ADGRV1: variants seen among roughly 807,000 people sequenced by gnomAD.
The protein encoded by ADGRV1 is adhesion G protein-coupled receptor V1, also known as G-protein coupled receptor 98.
A neutral mutation model predicts 596.2 loss-of-function variants in ADGRV1; 359 were observed. The ratio of observed to expected loss-of-function variants is 0.60; its 90% CI spans 0.55 to 0.66. The LOEUF (loss-of-function observed/expected upper bound fraction) is 0.66, where lower values mean the gene tolerates loss of function less well. Ranked by LOEUF, ADGRV1 falls within the 30% of genes least tolerant of loss-of-function variation. The pLI, the probability that ADGRV1 is intolerant of heterozygous loss-of-function variation, is 0.00. For synonymous variants in ADGRV1, 2,681 were observed against 2,679.2 expected (o/e 1.00, Z -0.02); for missense variants, 7,274 against 7,575.6 (o/e 0.96, Z 1.48).
chr5:90,916,725 C>T (rs1773403194), intron 83 of ADGRV1, among the ~76,000 whole-genome samples: 1 of 148,908 alleles, frequency 6.7e-6, no homozygotes, highest in African/African-American at 2.5e-5. Context: ...CTCCGCCTCC[C>T]GGGTTCACGC....
chr5:91,069,652 C>A (rs1788197856), intron 85 of ADGRV1, among the ~76,000 whole-genome samples: 1 of 152,148 alleles, frequency 6.6e-6, no homozygotes, highest in Admixed American at 6.6e-5. Context: ...TGCATGTGCA[C>A]TATTGGTGTG....
At chr5:90,660,338 G>T (rs994811120) in intron 21 of ADGRV1, among the ~76,000 whole-genome samples, 2 of 152,086 alleles carry the variant, frequency 1.3e-5, no homozygotes, top group South Asian at 2.1e-4. Context: ...ACTCTCTGGG[G>T]TTCTCAATAG....
In ADGRV1 at chr5:90,644,762, G is replaced by A. The variant is rs528740341; in HGVS notation, c.2791G>A (p.Val931Met). ...CTTTGGTGATGTTAGTGTATCATGG[G>A]TGGTTAGTCCAGACTTTACACAAGA... ...GNFGDVSVSWVVSPDFTQDVF... is the reference protein window; with the variant it reads ...GNFGDVSVSWMVSPDFTQDVF... The change falls in exon 15 of 90, where the codon GTG becomes ATG. Residue 931 changes from valine to methionine, a missense_variant. This residue lies in a region of ADGRV1 where 1,715 missense variants were observed against 1,708.8 expected (regional missense o/e 1.00). Coordinates refer to ENST00000405460, the MANE Select transcript of ADGRV1 (RefSeq NM_032119.4). The A allele has an allele frequency of 7.4e-6, 12 of 1,612,048 alleles. No homozygotes were observed. The South Asian group carries it at 1.2e-4, about 16-fold the overall frequency.
At chr5:90,560,632 A>C (rs1043923880) in intron 1 of ADGRV1, among the ~76,000 whole-genome samples, 1 of 152,140 alleles carries the variant, frequency 6.6e-6, no homozygotes, top group East Asian at 1.9e-4. Context: ...TTGGACTACT[A>C]TAAGAGTCTA....
chr5:90,935,186 G>A (rs1271041690), intron 83 of ADGRV1, among the ~76,000 whole-genome samples: 1 of 152,154 alleles, frequency 6.6e-6, no homozygotes, highest in East Asian at 1.9e-4. Context: ...TATTCACCTA[G>A]ACAAGAAATC....
At chr5:91,052,340 T>C (rs1786416163) in intron 85 of ADGRV1, among the ~76,000 whole-genome samples, 1 of 152,080 alleles carries the variant, frequency 6.6e-6, no homozygotes, top group South Asian at 2.1e-4. Flanking sequence ...TTTCCAAAAT[T>C]GCTTTGTAGT....
intron 87 of ADGRV1, among the ~76,000 whole-genome samples, chr5:91,146,421 G>C (rs1172709100): frequency 6.6e-6 from 1 of 152,226 alleles, no homozygotes; most frequent in African/African-American, 2.4e-5. Flanking sequence ...CAATTGTCAA[G>C]AGTTTGACTG....
chr5:90,688,285 G>A (rs1745966573), intron 29 of ADGRV1, among the ~76,000 whole-genome samples: 2 of 152,158 alleles, frequency 1.3e-5, no homozygotes, highest in Non-Finnish European at 2.9e-5. Flanking sequence ...GAGAAAAACA[G>A]CAATGGGGAA....
chr5:90,754,739 A>G (rs1054555962), intron 54 of ADGRV1, among the ~76,000 whole-genome samples: 4 of 152,120 alleles, frequency 2.6e-5, no homozygotes, highest in African/African-American at 9.7e-5. Context: ...TGCTTTAGAG[A>G]ATCAGAAGTG....
chr5:90,737,682 G>C (rs956913800), intron 50 of ADGRV1, among the ~76,000 whole-genome samples: 2 of 151,750 alleles, frequency 1.3e-5, no homozygotes, highest in Non-Finnish European at 3.0e-5. Flanking sequence ...TTATAGAATG[G>C]TCTTCTTTGT....
Position 90,811,610 on chromosome 5 carries a change from G to A in ADGRV1, c.16078+272G>A, listed in dbSNP as rs12054945. On this transcript the variant is annotated intron_variant, in intron 74 of 89. Coordinates refer to ENST00000405460, the MANE Select transcript of ADGRV1 (RefSeq NM_032119.4). Reference sequence around the variant, plus strand: ...TCTATACTCTCACAATATAAATAACGTTTAATTTAATCATCCAAACACATG... The same window carrying A: ...TCTATACTCTCACAATATAAATAACATTTAATTTAATCATCCAAACACATG... Among the ~76,000 whole-genome samples, 104 of 151,976 alleles carry A rather than the reference G, an allele frequency of 6.8e-4. 2 individuals are homozygous for A. In the East Asian group the frequency reaches 0.014, roughly 20 times the overall value.
Position 90,745,132 on chromosome 5 carries a change from C to A in ADGRV1, c.10636C>A (p.Pro3546Thr). 6.2e-7 allele frequency: 1 copy of A among 1,613,622 alleles called. No individual in the cohort carries two copies. Among genetic ancestry groups the A allele is most frequent in the South Asian group, 1.1e-5 (1 of 91,054 alleles). ...TCAATTCTCTTTTGTTCTGGAAGTA[C>A]CTTCTGCTTATGATGTGGCTTCTGT... The part of the protein sequence containing the change: ...RNQFSFVLEV[P>T]SAYDVASVTV... The change falls in exon 51 of 90, where the codon CCT (proline) becomes ACT (threonine). Residue 3546 changes from proline (P) to threonine (T), a missense_variant. By Grantham distance (38) the Pro-to-Thr change is conservative. Coordinates refer to ENST00000405460, the MANE Select transcript of ADGRV1 (RefSeq NM_032119.4).
At chr5:90,682,088 A>C (rs1402679151) in intron 27 of ADGRV1, among the ~76,000 whole-genome samples, 1 of 151,784 alleles carries the variant, frequency 6.6e-6, no homozygotes, top group African/African-American at 2.4e-5. Flanking sequence ...CTGGTCTCAA[A>C]CTCCCAACCT....
chr5:90,701,722 A>T (rs573646201), intron 34 of ADGRV1, among the ~76,000 whole-genome samples: 1 of 151,920 alleles, frequency 6.6e-6, no homozygotes, highest in South Asian at 2.1e-4. Flanking sequence ...TTAGACTTTT[A>T]GTGTTTTTAC....
chr5:90,878,175 C>T (rs146905164), intron 83 of ADGRV1, among the ~76,000 whole-genome samples: 82 of 152,242 alleles, frequency 5.4e-4, no homozygotes, highest in African/African-American at 1.7e-3. Flanking sequence ...AATAGACTTC[C>T]GTCAGAATTG....
At chr5:90,879,820 G>A (rs1419970456) in intron 83 of ADGRV1, among the ~76,000 whole-genome samples, 7 of 152,074 alleles carry the variant, frequency 4.6e-5, no homozygotes, top group Non-Finnish European at 8.8e-5. Context: ...GGTGGTGCAC[G>A]CCTGTAATCC....
chr5:90,783,964 C>T lies in ADGRV1; in HGVS notation c.13560C>T (p.Leu4520=), dbSNP rs778145129. The T allele has an allele frequency of 2.5e-5, 40 of 1,612,132 alleles. No individual in the cohort carries two copies. Among genetic ancestry groups the T allele is most frequent in the Non-Finnish European group, 3.2e-5 (38 of 1,179,200 alleles). ...CTCCCTTTGGAGTTATAAGGTTTCTCAATCAAAGCAAAATTTCTATTGCTA... is the reference window on the plus strand; with the variant it reads ...CTCCCTTTGGAGTTATAAGGTTTCTTAATCAAAGCAAAATTTCTATTGCTA... The part of the protein sequence containing the change: ...SDSPFGVIRF[L]NQSKISIANP... The change falls in exon 67 of 90, where the codon CTC becomes CTT. Residue 4520 remains leucine (L), a synonymous_variant. Coordinates refer to ENST00000405460, the MANE Select transcript of ADGRV1 (RefSeq NM_032119.4).
intron 85 of ADGRV1, among the ~76,000 whole-genome samples, chr5:90,996,597 A>C (rs1474225952): frequency 1.3e-5 from 2 of 152,222 alleles, no homozygotes; most frequent in South Asian, 4.1e-4. Context: ...GTCCCGACAC[A>C]GAGTCCCTAC....
In ADGRV1 at chr5:90,644,846, A is replaced by G. The variant is rs770673783; in HGVS notation, c.2875A>G (p.Thr959Ala). The change falls in exon 15 of 90, where the codon ACC becomes GCC. Residue 959 changes from threonine to alanine, a missense_variant. By Grantham distance (58) the Thr-to-Ala change is moderately conservative. This residue lies in a region of ADGRV1 where 1,715 missense variants were observed against 1,708.8 expected (regional missense o/e 1.00). Coordinates refer to ENST00000405460, the MANE Select transcript of ADGRV1 (RefSeq NM_032119.4). ...AGATCAGGAATTTTCAAAAAATATCACCATTTACTCCCTTCCAGATGAGGT... is the reference window on the plus strand; with the variant it reads ...AGATCAGGAATTTTCAAAAAATATCGCCATTTACTCCCTTCCAGATGAGGT... ...FGDQEFSKNI[T>A]IYSLPDEIPE... 11 of 1,606,842 alleles carry G rather than the reference A, an allele frequency of 6.8e-6. No individual in the cohort carries two copies. In the African/African-American group the frequency reaches 1.5e-4, roughly 22 times the overall value.
Sources: allele counts gnomAD v4.1 joint callset (sites outside exome capture counted in the v4.1 genomes callset), GRCh38; gene constraint gnomAD v4.1.1; regional missense constraint gnomAD v4.1.1; transcripts MANE v1.5; gene names NCBI Gene and HGNC (gene_info 2026-07-23, HGNC 2026-07-21).